PEX6: variants seen among roughly 807,000 people sequenced by gnomAD.
PEX6 encodes the protein peroxisomal biogenesis factor 6.
In PEX6, 55 loss-of-function variants were observed where a neutral mutation model predicts 85.6. That is an observed-to-expected ratio of 0.64 (90% confidence interval 0.52 to 0.80). PEX6 has a LOEUF of 0.80. Among genes scored for constraint, PEX6 ranks in the 30% least tolerant of loss-of-function variants. The pLI is 0.00. For missense variants in PEX6, 1,099 were observed against 1,260.3 expected, an observed-to-expected ratio of 0.87 and a Z score of 1.94; for synonymous variants, 519 against 549.1, an observed-to-expected ratio of 0.95 and a Z score of 0.77.
In PEX6 at chr6:42,966,096, C is replaced by T. The variant is rs775473162; in HGVS notation, c.2310G>A (p.Gly770=). ...ECSLTFLSVK[G]PELINMYVGQ... ...CCACATACATGTTAATGAGCTCTGG[C>T]CCCTTCACGCTGAGTGAGAGGATGT... is the stretch of plus-strand genomic sequence containing the variant. The change falls in exon 12 of 17, where the codon GGG becomes GGA. Residue 770 remains glycine, a synonymous_variant. Coordinates refer to ENST00000304611, the MANE Select transcript of PEX6 (RefSeq NM_000287.4). The T allele has an allele frequency of 2.7e-5, 44 of 1,614,160 alleles. No homozygotes were observed. The highest frequency in any genetic ancestry group is 3.7e-5 in the Non-Finnish European group (44 of 1,180,026).
At position 42,964,707 on chromosome 6, in the gene PEX6, A is replaced by T; in HGVS notation, c.2806+83T>A. ...TGGGCTCAAGCGATCCTCCCACCTC[A>T]GCCTCTCAAGTAGCTGGGACTCAGG... On this transcript the variant is annotated intron_variant, in intron 16 of 16. Transcript: ENST00000304611. This position sits in a 1 kb window ranked among gnomAD's most constrained non-coding sequence, Gnocchi z 4.6. 1 of 1,564,018 alleles carries T rather than the reference A, an allele frequency of 6.4e-7. No homozygotes were observed. Among genetic ancestry groups the T allele is most frequent in the Non-Finnish European group, 8.8e-7 (1 of 1,136,254 alleles).
Position 42,965,917 on chromosome 6 carries a change from G to A in PEX6, c.2362+127C>T. The A allele has an allele frequency of 7.4e-7, 1 of 1,343,856 alleles. No homozygotes were observed. Among genetic ancestry groups the A allele is most frequent in the Admixed American group, 1.7e-5 (1 of 59,676 alleles). 83.2% of individuals were successfully genotyped at this position (1,343,856 alleles called of 1,614,324 possible). On this transcript the variant is annotated intron_variant, in intron 12 of 16. Transcript: ENST00000304611. The surrounding 1 kb of genome is among the most constrained non-coding windows in gnomAD (Gnocchi z 5.0). ...GGCATCCCAGGTACTAGACCCAGCT[G>A]GGCAGGAACCTGACTTGTAGAAAGG...
At position 42,978,617 on chromosome 6, in the gene PEX6, G is replaced by C. The variant is rs899897123; in HGVS notation, c.534C>G (p.Pro178=). ...PESGDSSRPP[P]PPVVSSFAVS... is the part of the protein sequence containing the mutation. ...CCGCAAAGGAGGACACCACGGGCGG[G>C]GGTGGGGGCCGACTGCTGTCCCCAG... The change falls in exon 1 of 17, where the codon CCC becomes CCG. Residue 178 remains proline (P), a synonymous_variant. Transcript: ENST00000304611. The C allele has an allele frequency of 4.4e-6, 7 of 1,601,020 alleles. No homozygotes were observed. The highest frequency in any genetic ancestry group is 1.3e-5 in the African/African-American group (1 of 74,810).
In PEX6 at chr6:42,964,872, C is replaced by G; in HGVS notation, c.2724G>C (p.Gln908His). 2 of 1,614,172 alleles carry G rather than the reference C, an allele frequency of 1.2e-6. No homozygotes were observed. The highest frequency in any genetic ancestry group is 1.7e-6 in the Non-Finnish European group (2 of 1,180,028). ...LVNVLDCCPP[Q>H]LTGADLYSLC... ...GAGAGTAGAGGTCCGCGCCCGTCAG[C>G]TGGGGAGGGCAGCAATCTAGCACGT... Residue 908 changes from glutamine (Q) to histidine (H), a missense_variant, in exon 16 of 17, where the codon CAG (glutamine) becomes CAC (histidine). By Grantham distance (24) the Gln-to-His change is conservative. Around this residue, in one of 3 missense-constraint regions of PEX6, gnomAD observed 514 missense variants for 627.0 expected, o/e 0.82. Coordinates refer to ENST00000304611, the MANE Select transcript of PEX6 (RefSeq NM_000287.4). The surrounding 1 kb of genome is among the most constrained non-coding windows in gnomAD (Gnocchi z 4.6).
At chr6:42,975,635 A>G (rs1199091136) in intron 1 of PEX6, among the ~76,000 whole-genome samples, 1 of 152,166 alleles carries the variant, frequency 6.6e-6, no homozygotes, top group Admixed American at 6.5e-5. Flanking sequence ...TGCATGTGCT[A>G]TTGAGCACTT....
Position 42,964,813 on chromosome 6 carries a change from C to T in PEX6, c.2783G>A (p.Arg928His), listed in dbSNP as rs201265954. The change falls in exon 16 of 17, where the codon CGC becomes CAC. Residue 928 changes from arginine (R) to histidine (H), a missense_variant. This residue lies in a region of PEX6 where 514 missense variants were observed against 627.0 expected (regional missense o/e 0.82). Coordinates refer to ENST00000304611, the MANE Select transcript of PEX6 (RefSeq NM_000287.4). This position sits in a 1 kb window ranked among gnomAD's most constrained non-coding sequence, Gnocchi z 4.6. ...CSDAMTAALK[R>H]RVHDLEEGLE... ...ACCTTCCTCCAGGTCATGAACCCTG[C>T]GTTTGAGGGCAGCTGTCATAGCATC... 76 of 1,614,050 alleles carry T rather than the reference C, an allele frequency of 4.7e-5. No homozygotes were observed. Among genetic ancestry groups the T allele is most frequent in the South Asian group, 2.4e-4 (22 of 91,078 alleles).
chr6:42,978,862 CCGCCCG>C lies in PEX6; in HGVS notation c.283_288del (p.Arg95_Ala96del), dbSNP rs61753208. ...CAACCTAGCGCCGGGGGCCGCCGCA[CCGCCCG>C]CGCCCGCACCCAGGCCCCGGAGCCC... On this transcript the variant is annotated inframe_deletion, in exon 1 of 17. Coordinates refer to ENST00000304611, the MANE Select transcript of PEX6 (RefSeq NM_000287.4). 9 of 1,495,386 alleles carry C rather than the reference CCGCCCG, an allele frequency of 6.0e-6. No individual in the cohort carries two copies. The highest frequency in any genetic ancestry group is 7.1e-6 in the Non-Finnish European group (8 of 1,131,740). 92.6% of individuals were successfully genotyped at this position (1,495,386 alleles called of 1,614,324 possible).
chr6:42,979,140 G>A lies in PEX6; in HGVS notation c.11C>T (p.Ala4Val). The change falls in exon 1 of 17, where the codon GCT (alanine) becomes GTT (valine). Residue 4 changes from alanine to valine, a missense_variant. This residue lies in a region of PEX6 where 579 missense variants were observed against 611.6 expected (regional missense o/e 0.95). Transcript: ENST00000304611. ...AAAGGGCTCCAGGACCCGCAAGACA[G>A]CCAGCGCCATGGTGACAGGACACCA... is the stretch of plus-strand genomic sequence containing the variant. MAL[A>V]VLRVLEPFPT... 1 of 1,578,282 alleles carries A rather than the reference G, an allele frequency of 6.3e-7. No homozygotes were observed. Among genetic ancestry groups the A allele is most frequent in the Non-Finnish European group, 8.5e-7 (1 of 1,170,840 alleles).
chr6:42,970,850 T>A (rs1442788209), intron 3 of PEX6, among the ~76,000 whole-genome samples: 1 of 152,160 alleles, frequency 6.6e-6, no homozygotes, highest in Non-Finnish European at 1.5e-5. Flanking sequence ...TTTGAAAGCT[T>A]CCCCAGCAAT....
chr6:42,967,947 C>CTTTT (rs34767122), intron 7 of PEX6, among the ~76,000 whole-genome samples: 1 of 136,406 alleles, frequency 7.3e-6, no homozygotes, highest in African/African-American at 2.7e-5. Context: ...CCCGCTCCCC[C>CTTTT]TTTTTTTTTT....
Position 42,978,465 on chromosome 6 carries a change from C to T in PEX6, c.686G>A (p.Arg229Lys), listed in dbSNP as rs1260446318. The change falls in exon 1 of 17, where the codon AGA becomes AAA. Residue 229 changes from arginine to lysine, a missense_variant. This residue lies in a region of PEX6 where 579 missense variants were observed against 611.6 expected (regional missense o/e 0.95). Transcript: ENST00000304611. ...CGGCTGTGAAGTGTTCGATGACTCTCTGGCCTGGGCCACCCACACCCATTC... is the reference window on the plus strand; with the variant it reads ...CGGCTGTGAAGTGTTCGATGACTCTTTGGCCTGGGCCACCCACACCCATTC... ...QGEWVWVAQA[R>K]ESSNTSQPHL... 9 of 1,614,098 alleles carry T rather than the reference C, an allele frequency of 5.6e-6. No homozygotes were observed. The Admixed American group carries it at 1.5e-4, about 27-fold the overall frequency.
Position 42,979,084 on chromosome 6 carries a change from G to A in PEX6, c.67C>T (p.Leu23=), listed in dbSNP as rs1581780058. The stretch of plus-strand genomic sequence containing the variant: ...GCCGGCCACGGGCCCCCGGGTGGCA[G>A]CAGCACTGCCAACGGGGGTGTCTCG... ...PTETPPLAVL[L]PPGGPWPAAE... The change falls in exon 1 of 17, where the codon CTG becomes TTG. Residue 23 remains leucine (L), a synonymous_variant. Transcript: ENST00000304611. 4 of 1,548,962 alleles carry A rather than the reference G, an allele frequency of 2.6e-6. No individual in the cohort carries two copies. Among genetic ancestry groups the A allele is most frequent in the Non-Finnish European group, 2.6e-6 (3 of 1,155,590 alleles).
chr6:42,966,695 G>A, intron 9 of PEX6, 38 bp from the exon 10 acceptor site: 1 of 1,614,060 alleles, frequency 6.2e-7, no homozygotes, highest in Non-Finnish European at 8.5e-7. Flanking sequence ...CTCACCATCA[G>A]CGTCCCATTC....
chr6:42,964,942 A>C lies in PEX6; in HGVS notation c.2667-13T>G, dbSNP rs748182146. ...CTCTAGCTTGAATCTGTTGTGGGAT[A>C]CAGGAAGAAACAGAGTTGGCATCAC... On this transcript the variant is annotated splice_polypyrimidine_tract_variant and intron_variant, in intron 15 of 16. Coordinates refer to ENST00000304611, the MANE Select transcript of PEX6 (RefSeq NM_000287.4). This position sits in a 1 kb window ranked among gnomAD's most constrained non-coding sequence, Gnocchi z 4.6. 6.2e-7 allele frequency: 1 copy of C among 1,614,168 alleles called. No homozygotes were observed. The highest frequency in any genetic ancestry group is 1.1e-5 in the South Asian group (1 of 91,078).
chr6:42,968,242 G>T, intron 7 of PEX6, 48 bp downstream of exon 7: 1 of 1,522,650 alleles, frequency 6.6e-7, no homozygotes, highest in Non-Finnish European at 9.1e-7. Context: ...GAGCCACCGC[G>T]CCCAGCCGGC....
At chr6:42,973,235 T>C (rs1042407495) in intron 3 of PEX6, among the ~76,000 whole-genome samples, 1 of 151,834 alleles carries the variant, frequency 6.6e-6, no homozygotes, top group East Asian at 1.9e-4. Flanking sequence ...TGGTCTTGAA[T>C]TCCTGACCTC....
At chr6:42,975,808 T>C (rs902376133) in intron 1 of PEX6, among the ~76,000 whole-genome samples, 2 of 152,116 alleles carry the variant, frequency 1.3e-5, no homozygotes, top group African/African-American at 2.4e-5. Context: ...CCTCCTGGGT[T>C]CAAATGATTC....
chr6:42,968,768 G>C, intron 6 of PEX6, 106 bp downstream of exon 6: 1 of 901,318 alleles, frequency 1.1e-6, no homozygotes, highest in Non-Finnish European at 1.9e-6. Flanking sequence ...TGAAGTGCTA[G>C]GGCCTGTGAG....
intron 3 of PEX6, 97 bp downstream of exon 3, chr6:42,973,906 T>G (rs1388900649): frequency 1.2e-6 from 1 of 857,046 alleles, no homozygotes; most frequent in Admixed American, 1.8e-5. Context: ...CGAAATCCTC[T>G]TGGGCACAAA....
Sources: allele counts gnomAD v4.1 joint callset (sites outside exome capture counted in the v4.1 genomes callset), GRCh38; gene constraint gnomAD v4.1.1; regional missense constraint gnomAD v4.1.1; non-coding constraint Gnocchi (gnomAD v3.1); transcripts MANE v1.5; gene names NCBI Gene and HGNC (gene_info 2026-07-23, HGNC 2026-07-21).